Variants in HUS1 observed in about 807,000 individuals in gnomAD.
HUS1 encodes HUS1 checkpoint clamp component.
Under a neutral mutation model 32.6 loss-of-function variants are expected in HUS1, and 31 were observed. The observed-to-expected ratio is 0.95, with a 90% confidence interval of 0.72 to 1.28. The LOEUF is 1.28. HUS1 is among the 50% of genes most tolerant of loss of function. HUS1 has a pLI of 0.00. For synonymous variants in HUS1, 123 were observed against 116.6 expected, an observed-to-expected ratio of 1.06 and a Z score of -0.36; for missense variants, 340 against 337.7, an observed-to-expected ratio of 1.01 and a Z score of -0.05.
At chr7:47,970,748 A>T (rs1222426832) in intron 5 of HUS1, among the ~76,000 whole-genome samples, 2 of 152,234 alleles carry the variant, frequency 1.3e-5, no homozygotes, top group Non-Finnish European at 2.9e-5. Context: ...TCCCCAGGGT[A>T]TTTAGTCCCC....
Position 47,975,672 on chromosome 7 carries a change from G to T in HUS1, c.481C>A (p.Pro161Thr). ...VPDPDVSIYL[P>T]VLKTMKSVVE... is the part of the protein sequence containing the mutation. ...ACACTCTTCATAGTCTTCAAGACTGGTAAATAAATACTAACCTACAAAACC... is the reference window on the plus strand; with the variant it reads ...ACACTCTTCATAGTCTTCAAGACTGTTAAATAAATACTAACCTACAAAACC... Residue 161 changes from proline (P) to threonine (T), a missense_variant, in exon 5 of 8, where the codon CCA (proline) becomes ACA (threonine). Pro to Thr is a conservative substitution (Grantham distance 38, BLOSUM62 -1). Coordinates refer to ENST00000258774, the MANE Select transcript of HUS1 (RefSeq NM_004507.4). 1.3e-6 allele frequency: 2 copies of T among 1,588,006 alleles called. No homozygotes were observed. The highest frequency in any genetic ancestry group is 4.5e-5 in the East Asian group (2 of 44,718).
chr7:47,978,512 A>G lies in HUS1; in HGVS notation c.262T>C (p.Leu88=). ...TGGGCAGTCTTCAAGGCTCGAGATA[A>G]GTTTTCCGATGTTAGCTCTAAATAA... The part of the protein sequence containing the change: ...EIYLELTSEN[L]SRALKTAQNA... The change falls in exon 3 of 8, where the codon TTA becomes CTA. Residue 88 remains leucine, a synonymous_variant. Transcript: ENST00000258774. 2 of 1,614,220 alleles carry G rather than the reference A, an allele frequency of 1.2e-6. No homozygotes were observed. The highest frequency in any genetic ancestry group is 1.7e-6 in the Non-Finnish European group (2 of 1,180,024).
rs781361344 is a variant in HUS1 at position 47,969,221 on chromosome 7, A to T, written c.638T>A (p.Leu213Ter). Residue 213 changes from leucine to a stop codon, truncating the protein, a stop_gained and splice_region_variant, in exon 6 of 8, where the codon TTA (leucine) becomes TAA (stop). Transcript: ENST00000258774. LOFTEE classifies it high-confidence loss of function. ...THFKDLGNPP[L>*]ASESTHEDRN... ...ATATAACCCACTAGAAAACTTACCT[A>T]ATGGAGGATTTCCAAGATCTTTAAA... 5.3e-6 allele frequency: 8 copies of T among 1,500,780 alleles called. No individual in the cohort carries two copies. The highest frequency in any genetic ancestry group is 7.3e-6 in the Non-Finnish European group (8 of 1,089,570). 93.0% of individuals were successfully genotyped at this position (1,500,780 alleles called of 1,614,324 possible). A position where few individuals can be genotyped will look rare whatever the true frequency, so the allele number is the denominator to read the frequency against.
rs770069907 is a variant in HUS1, at chr7:47,969,334, T to C, written c.541-16A>G. On this transcript the variant is annotated splice_polypyrimidine_tract_variant and intron_variant, in intron 5 of 7. Coordinates refer to ENST00000258774, the MANE Select transcript of HUS1 (RefSeq NM_004507.4). ...CTTCAATAACCTGCAAATTGAGTAT[T>C]TTACATAGTCTTAGAAAAGGAAGCC... 7.1e-7 allele frequency: 1 copy of C among 1,407,662 alleles called. No homozygotes were observed. Among genetic ancestry groups the C allele is most frequent in the Non-Finnish European group, 1.0e-6 (1 of 1,004,464 alleles). The allele number at this position is 1,407,662 out of a possible 1,614,324, so 87.2% of individuals were successfully genotyped here.
At position 47,978,560 on chromosome 7, in the gene HUS1, C is replaced by T. The variant is rs1240868920; in HGVS notation, c.214G>A (p.Val72Ile). Residue 72 changes from valine to isoleucine, a missense_variant, in exon 3 of 8, where the codon GTC (valine) becomes ATC (isoleucine). Transcript: ENST00000258774. The stretch of plus-strand genomic sequence containing the variant: ...TAAATCTCATTGTTTTCTGCAGAGA[C>T]ACCCTCCATTTGAAATTCGTTGAAG... ...NFFNEFQMEG[V>I]SAENNEIYLE... The T allele has an allele frequency of 1.9e-6, 3 of 1,614,038 alleles. No individual in the cohort carries two copies. In the African/African-American group the frequency reaches 4.0e-5, roughly 22 times the overall value.
At chr7:47,977,032 AC>A (rs1788719561) in intron 3 of HUS1, among the ~76,000 whole-genome samples, 195 bp from the exon 4 acceptor site, 1 of 131,152 alleles carries the variant, frequency 7.6e-6, no homozygotes, top group African/African-American at 2.6e-5. Context: ...ACTTCCAGGA[AC>A]TGGGAAGTGT....
chr7:47,967,728 C>A, intron 7 of HUS1, 78 bp downstream of exon 7: 2 of 1,146,634 alleles, frequency 1.7e-6, no homozygotes, highest in African/African-American at 1.6e-5. Context: ...AGACTATATG[C>A]AATCTGTTAG....
At chr7:47,973,921 C>A (rs929163069) in intron 5 of HUS1, among the ~76,000 whole-genome samples, 1 of 152,192 alleles carries the variant, frequency 6.6e-6, no homozygotes, top group African/African-American at 2.4e-5. Flanking sequence ...CTGGAAGTCC[C>A]CAGGGTATCC....
intron 7 of HUS1, among the ~76,000 whole-genome samples, chr7:47,967,348 A>G (rs1304289141): frequency 6.6e-6 from 1 of 152,232 alleles, no homozygotes; most frequent in Non-Finnish European, 1.5e-5. Flanking sequence ...CAAGGGACAG[A>G]TATGGGGCAG....
At chr7:47,974,548 C>T (rs1788659883) in intron 5 of HUS1, among the ~76,000 whole-genome samples, 1 of 152,098 alleles carries the variant, frequency 6.6e-6, no homozygotes, top group South Asian at 2.1e-4. Context: ...GGCAATACAA[C>T]AGAGATGTGG....
intron 7 of HUS1, among the ~76,000 whole-genome samples, chr7:47,965,662 G>A (rs1053627331): frequency 9.2e-5 from 14 of 152,254 alleles, no homozygotes; most frequent in Middle Eastern, 6.8e-3. Flanking sequence ...AAAGTGAAGC[G>A]GCCCAAGCCC....
At chr7:47,975,438 T>C (rs952369660) in intron 5 of HUS1, among the ~76,000 whole-genome samples, 175 bp downstream of exon 5, 3 of 151,988 alleles carry the variant, frequency 2.0e-5, no homozygotes, top group Admixed American at 1.3e-4. Flanking sequence ...AGTATTGGAA[T>C]AGGTTTCTAA....
At position 47,975,625 on chromosome 7, in the gene HUS1, G is replaced by T; in HGVS notation, c.528C>A (p.Ile176=). Residue 176 remains isoleucine, a synonymous_variant, in exon 5 of 8, where the codon ATC becomes ATA. Transcript: ENST00000258774. ...AGTTGTGACTTACAAGGTGATTGCT[G>T]ATGTTTTTCATTTTTTCCACAACAC... is the stretch of plus-strand genomic sequence containing the variant. ...MKSVVEKMKN[I]SNHLVIEANL... 1 of 1,601,182 alleles carries T rather than the reference G, an allele frequency of 6.2e-7. No individual in the cohort carries two copies. Among genetic ancestry groups the T allele is most frequent in the Non-Finnish European group, 8.6e-7 (1 of 1,168,782 alleles).
Position 47,969,146 on chromosome 7 carries a change from G to A in HUS1, c.640+73C>T, listed in dbSNP as rs942388941. ...CTGAATTTCAACCTTTTTACATGAA[G>A]AGACCTCAACAGGTAGGTTATCTGA... On this transcript the variant is annotated intron_variant, in intron 6 of 7. Transcript: ENST00000258774. 8.4e-6 allele frequency: 6 copies of A among 714,124 alleles called. No individual in the cohort carries two copies. The African/African-American group carries it at 9.0e-5, about 11-fold the overall frequency. The allele number at this position is 714,124 out of a possible 1,614,324, so 44.2% of individuals were successfully genotyped here.
intron 5 of HUS1, chr7:47,971,149 T>C (rs1393027942): frequency 6.1e-6 from 1 of 163,768 alleles, no homozygotes; most frequent in African/African-American, 2.4e-5. Flanking sequence ...ATCAGTGTCT[T>C]ATTTTTATAA....
chr7:47,976,708 C>A, intron 4 of HUS1, 22 bp downstream of exon 4: 1 of 1,268,250 alleles, frequency 7.9e-7, no homozygotes, highest in Non-Finnish European at 1.2e-6. Context: ...GGGTGTACAG[C>A]AGGACTGCAG....
intron 3 of HUS1, among the ~76,000 whole-genome samples, chr7:47,978,105 T>C (rs927767570): frequency 9.4e-6 from 1 of 106,700 alleles, no homozygotes; most frequent in Non-Finnish European, 1.9e-5. Flanking sequence ...GGAGAAAACA[T>C]GTCAAAGGTG....
At chr7:47,966,018 C>T (rs3176602) in intron 7 of HUS1, among the ~76,000 whole-genome samples, 1 of 150,640 alleles carries the variant, frequency 6.6e-6, no homozygotes, top group Non-Finnish European at 1.5e-5. Flanking sequence ...GCACAGCAGC[C>T]GAGGAAAGCT....
At position 47,978,569 on chromosome 7, in the gene HUS1, T is replaced by C. The variant is rs748118434; in HGVS notation, c.205A>G (p.Met69Val). 12 of 1,614,036 alleles carry C rather than the reference T, an allele frequency of 7.4e-6. No homozygotes were observed. The African/African-American group carries it at 1.5e-4, about 20-fold the overall frequency. Reference protein sequence around the residue: ...EQENFFNEFQMEGVSAENNEI... With the variant: ...EQENFFNEFQVEGVSAENNEI... ...TTGTTTTCTGCAGAGACACCCTCCA[T>C]TTGAAATTCGTTGAAGAAGTTCTCC... The change falls in exon 3 of 8, where the codon ATG becomes GTG. Residue 69 changes from methionine (M) to valine (V), a missense_variant. By Grantham distance (21) the Met-to-Val change is conservative (BLOSUM62 1). Transcript: ENST00000258774.
Sources: allele counts gnomAD v4.1 joint callset (sites outside exome capture counted in the v4.1 genomes callset), GRCh38; gene constraint gnomAD v4.1.1; transcripts MANE v1.5; gene names NCBI Gene and HGNC (gene_info 2026-07-23, HGNC 2026-07-21).